The following ATP8A2 variants were observed in gnomAD, a reference collection of about 807,000 sequenced individuals.
The protein encoded by ATP8A2 is phospholipid-transporting ATPase IB.
Under a neutral mutation model 165.6 loss-of-function variants are expected in ATP8A2, and 100 were observed. That is an observed-to-expected ratio of 0.60 (90% CI 0.51 to 0.71). The LOEUF (loss-of-function observed/expected upper bound fraction) is 0.71, where lower values mean the gene tolerates loss of function less well. Among genes scored for constraint, ATP8A2 ranks in the 30% least tolerant of loss-of-function variants. The pLI is 0.00. For missense variants in ATP8A2, 1,227 were observed against 1,479.5 expected (o/e 0.83, Z 2.80); for synonymous variants, 543 against 548.8 (o/e 0.99, Z 0.15).
chr13:25,747,863 A>G (rs903887374), intron 25 of ATP8A2, among the ~76,000 whole-genome samples: 7 of 152,180 alleles, frequency 4.6e-5, no homozygotes, highest in African/African-American at 2.4e-5. Flanking sequence ...AAATGCACCA[A>G]GTTTGACTTT....
chr13:25,880,025 G>C (rs551698068), intron 33 of ATP8A2, among the ~76,000 whole-genome samples: 2 of 152,220 alleles, frequency 1.3e-5, no homozygotes, highest in African/African-American at 2.4e-5. Context: ...TAAAAAGGTA[G>C]GTGGTGAAGA....
At chr13:25,527,527 A>G (rs1251473036) in intron 2 of ATP8A2, among the ~76,000 whole-genome samples, 2 of 152,186 alleles carry the variant, frequency 1.3e-5, no homozygotes, top group African/African-American at 4.8e-5. Context: ...GCTAATGGCT[A>G]TATATTTTGG....
intron 16 of ATP8A2, among the ~76,000 whole-genome samples, chr13:25,569,132 CA>C (rs1158247260): frequency 1.3e-5 from 2 of 152,096 alleles, no homozygotes; most frequent in African/African-American, 2.4e-5. Flanking sequence ...TTCTCAGGTA[CA>C]GGGGAAGGCA....
At chr13:25,833,049 T>C (rs116436416) in intron 28 of ATP8A2, among the ~76,000 whole-genome samples, 1,999 of 151,458 alleles carry the variant, frequency 0.013, 46 homozygotes, top group African/African-American at 0.046. Context: ...ATCAATAGCC[T>C]TTTTCTAGCC....
chr13:25,927,180 G>A, intron 33 of ATP8A2: 1 of 456,694 alleles, frequency 2.2e-6, no homozygotes, highest in Non-Finnish European at 4.4e-6. Context: ...GTGCTGCACG[G>A]CGGGTCCCTG....
At chr13:25,732,568 AG>A (rs2043675128) in intron 25 of ATP8A2, among the ~76,000 whole-genome samples, 1 of 152,228 alleles carries the variant, frequency 6.6e-6, no homozygotes, top group South Asian at 2.1e-4. Flanking sequence ...AATCATTTAA[AG>A]AAGGACTTTG....
At chr13:25,562,474 G>C (rs1003022737) in intron 15 of ATP8A2, among the ~76,000 whole-genome samples, 1 of 152,162 alleles carries the variant, frequency 6.6e-6, no homozygotes. Context: ...GTTGATGACG[G>C]ATTGCCTGCC....
chr13:25,901,768 G>C (rs985657798), intron 33 of ATP8A2, among the ~76,000 whole-genome samples: 2 of 152,186 alleles, frequency 1.3e-5, no homozygotes, highest in African/African-American at 2.4e-5. Context: ...AAGCCGTGTA[G>C]GCTTGTTCTA....
At chr13:25,828,325 T>G (rs1225205873) in intron 28 of ATP8A2, 133 bp downstream of exon 28, 7 of 771,654 alleles carry the variant, frequency 9.1e-6, no homozygotes, top group Admixed American at 2.2e-5. Context: ...AATACATCTT[T>G]GGGCCCTTTG....
chr13:25,740,494 C>T (rs149985110), intron 25 of ATP8A2, among the ~76,000 whole-genome samples: 4 of 152,080 alleles, frequency 2.6e-5, no homozygotes, highest in African/African-American at 9.6e-5. Flanking sequence ...TGATGAATGT[C>T]TGAACTGAGA....
intron 1 of ATP8A2, among the ~76,000 whole-genome samples, chr13:25,459,459 A>G (rs981325218): frequency 6.6e-6 from 1 of 152,198 alleles, no homozygotes; most frequent in Non-Finnish European, 1.5e-5. Context: ...CTGGGGATGC[A>G]GAGGTGATGA....
At chr13:25,524,900 TTCC>T (rs2137868816) in intron 2 of ATP8A2, among the ~76,000 whole-genome samples, 1 of 71,636 alleles carries the variant, frequency 1.4e-5, no homozygotes, top group South Asian at 3.4e-4. Context: ...CCTTCCTTCC[TTCC>T]TTCCTTCCTT....
At chr13:25,860,734 G>A (rs1952323887) in intron 31 of ATP8A2, 70 bp from the exon 32 acceptor site, 1 of 1,244,428 alleles carries the variant, frequency 8.0e-7, no homozygotes. Context: ...GGAGAGATGG[G>A]ATTTCTCATG....
intron 27 of ATP8A2, among the ~76,000 whole-genome samples, chr13:25,796,137 ACAGGGTTTC>A (rs1285480272): frequency 2.0e-5 from 3 of 152,104 alleles, no homozygotes; most frequent in Non-Finnish European, 4.4e-5. Flanking sequence ...TATAGTAGAG[ACAGGGTTTC>A]TTCATGTTGG....
At chr13:25,423,537 T>G (rs2034359210) in intron 1 of ATP8A2, among the ~76,000 whole-genome samples, 1 of 152,228 alleles carries the variant, frequency 6.6e-6, no homozygotes, top group Admixed American at 6.5e-5. Context: ...GATTTTTTTC[T>G]AAAAGCTGTA....
intron 25 of ATP8A2, among the ~76,000 whole-genome samples, chr13:25,737,428 C>T (rs1323316745): frequency 6.6e-6 from 1 of 152,206 alleles, no homozygotes; most frequent in Non-Finnish European, 1.5e-5. Flanking sequence ...TACTGATCCC[C>T]AGTTGAGTTC....
Position 25,968,563 on chromosome 13 carries a change from C to T in ATP8A2, c.3273-12C>T. 6.2e-7 allele frequency: 1 copy of T among 1,611,282 alleles called. No individual in the cohort carries two copies. The highest frequency in any genetic ancestry group is 8.5e-7 in the Non-Finnish European group (1 of 1,178,664). Reference sequence around the variant, plus strand: ...TATGCCATGTTCGTTTTGTCTTTTCCTCATAACACAGAGCCAAGCACACCT... The same window carrying T: ...TATGCCATGTTCGTTTTGTCTTTTCTTCATAACACAGAGCCAAGCACACCT... On this transcript the variant is annotated splice_polypyrimidine_tract_variant and intron_variant, in intron 34 of 36. Transcript: ENST00000381655.
chr13:25,592,194 A>T (rs2040102630), intron 24 of ATP8A2, among the ~76,000 whole-genome samples: 1 of 76,896 alleles, frequency 1.3e-5, no homozygotes, highest in Non-Finnish European at 2.6e-5. Context: ...TCCTTTGCCC[A>T]TTTTTTAATC....
intron 30 of ATP8A2, among the ~76,000 whole-genome samples, chr13:25,853,449 T>G (rs1312134599): frequency 6.7e-6 from 1 of 148,746 alleles, no homozygotes; most frequent in African/African-American, 2.5e-5. Flanking sequence ...TCTAAAAATT[T>G]TGTTTATTGT....
Sources: gnomAD v4.1 joint callset for allele counts (sites outside exome capture counted in the v4.1 genomes callset) on GRCh38, gnomAD v4.1.1 for gene constraint, MANE v1.5 for transcripts, NCBI Gene and HGNC (gene_info 2026-07-23, HGNC 2026-07-21) for gene names.